The following ABHD2 variants were observed in gnomAD, a reference collection of about 807,000 sequenced individuals.
ABHD2 encodes the protein monoacylglycerol lipase ABHD2.
A neutral mutation model predicts 48.1 loss-of-function variants in ABHD2; 20 were observed. The observed-to-expected ratio is 0.42, with a 90% CI of 0.29 to 0.60. The LOEUF (loss-of-function observed/expected upper bound fraction) is 0.60. ABHD2 is among the 20% of genes least tolerant of loss of function. ABHD2 has a pLI of 0.24. For synonymous variants in ABHD2, 209 were observed against 214.2 expected (o/e 0.98, Z 0.21); for missense variants, 405 against 550.9 (o/e 0.74, Z 2.65).
At chr15:89,140,480 A>G (rs1163156667) in intron 3 of ABHD2, among the ~76,000 whole-genome samples, 2 of 152,156 alleles carry the variant, frequency 1.3e-5, no homozygotes, top group African/African-American at 4.8e-5. Context: ...TAACGTTACA[A>G]TATAGTTAGC....
the ABHD2 span, among the ~76,000 whole-genome samples, chr15:89,050,968 C>T: frequency 2.6e-5 from 4 of 152,146 alleles, no homozygotes; most frequent in Admixed American, 6.5e-5. Context: ...CACAGTGGCT[C>T]ATACCTGCAA....
chr15:89,188,073 T>C lies in ABHD2; in HGVS notation c.816-120T>C. On this transcript the variant is annotated intron_variant, in intron 7 of 10. Transcript: ENST00000352732. This position sits in a 1 kb window ranked among gnomAD's most constrained non-coding sequence, Gnocchi z 4.1. The stretch of plus-strand genomic sequence containing the variant: ...CTGGGACATTCCAAAGGCTAAAGGT[T>C]CTATTTCTAACTGACCACGTTGGCT... 1 of 723,332 alleles carries C rather than the reference T, an allele frequency of 1.4e-6. No individual in the cohort carries two copies. The highest frequency in any genetic ancestry group is 1.7e-5 in the South Asian group (1 of 58,752). The allele number at this position is 723,332 out of a possible 1,614,324, so 44.8% of individuals were successfully genotyped here.
chr15:89,185,612 A>G lies in ABHD2; in HGVS notation c.815+96A>G, dbSNP rs968404543. ...GCCAGGACTCCTGTTCCTTCAGGGG[A>G]AAAAAAAAAATGCAGGTGTGGTACA... On this transcript the variant is annotated intron_variant, in intron 7 of 10. Transcript: ENST00000352732. This position sits in a 1 kb window ranked among gnomAD's most constrained non-coding sequence, Gnocchi z 5.9. The G allele has an allele frequency of 2.8e-4, 143 of 519,706 alleles. No homozygotes were observed. Among genetic ancestry groups the G allele is most frequent in the Middle Eastern group, 9.8e-4 (3 of 3,052 alleles). 32.2% of individuals were successfully genotyped at this position (519,706 alleles called of 1,614,324 possible).
intron 1 of ABHD2, among the ~76,000 whole-genome samples, chr15:89,113,397 T>A (rs2049906653): frequency 6.6e-6 from 1 of 152,238 alleles, no homozygotes; most frequent in African/African-American, 2.4e-5. Flanking sequence ...CACACAGAGA[T>A]GTTACCTGTC....
intron 4 of ABHD2, among the ~76,000 whole-genome samples, chr15:89,154,446 T>A (rs1224886145): frequency 1.3e-5 from 2 of 152,214 alleles, no homozygotes; most frequent in Non-Finnish European, 2.9e-5. Flanking sequence ...GCAAGTCACA[T>A]TCATGATAGA....
At chr15:89,159,520 A>G (rs1179847215) in intron 5 of ABHD2, among the ~76,000 whole-genome samples, 3 of 152,184 alleles carry the variant, frequency 2.0e-5, no homozygotes, top group African/African-American at 7.2e-5. Flanking sequence ...CAGGAAAGGC[A>G]TTTGAGCTGG....
intron 1 of ABHD2, among the ~76,000 whole-genome samples, chr15:89,101,880 G>A (rs2049706354): frequency 1.3e-5 from 2 of 152,096 alleles, no homozygotes; most frequent in South Asian, 2.1e-4. Flanking sequence ...GTCCAACATC[G>A]CCATGGGTCA....
At chr15:89,096,169 C>G (rs917680030) in intron 1 of ABHD2, among the ~76,000 whole-genome samples, 1 of 152,168 alleles carries the variant, frequency 6.6e-6, no homozygotes, top group Non-Finnish European at 1.5e-5. Context: ...CAGGCACAGG[C>G]AGGACCACAC....
At position 89,175,819 on chromosome 15, in the gene ABHD2, G is replaced by A. The variant is rs145289422; in HGVS notation, c.546G>A (p.Thr182=). Residue 182 remains threonine, a synonymous_variant, in exon 6 of 11, where the codon ACG becomes ACA. Transcript: ENST00000352732. This position sits in a 1 kb window ranked among gnomAD's most constrained non-coding sequence, Gnocchi z 5.7. ...TSPRMFTYGC[T]WEFGAMVNYI... is the part of the protein sequence containing the mutation. Reference sequence around the variant, plus strand: ...TCACCCTTTTGCCCACAGGCTGCACGTGGGAATTTGGAGCCATGGTGAACT... The same window carrying A: ...TCACCCTTTTGCCCACAGGCTGCACATGGGAATTTGGAGCCATGGTGAACT... The A allele has an allele frequency of 1.5e-4, 243 of 1,614,056 alleles. No homozygotes were observed. Among genetic ancestry groups the A allele is most frequent in the African/African-American group, 8.3e-4 (62 of 75,036 alleles).
At chr15:89,127,802 C>T (rs566392404) in intron 3 of ABHD2, among the ~76,000 whole-genome samples, 4 of 149,626 alleles carry the variant, frequency 2.7e-5, no homozygotes, top group Non-Finnish European at 4.4e-5. Flanking sequence ...GTCTGTTCAC[C>T]GTCTGTACAC....
intron 3 of ABHD2, among the ~76,000 whole-genome samples, chr15:89,126,428 C>G (rs148781586): frequency 6.6e-6 from 1 of 152,314 alleles, no homozygotes; most frequent in African/African-American, 2.4e-5. Context: ...TATCCGGGAG[C>G]AGGAAATGGA....
chr15:89,135,724 C>G, intron 3 of ABHD2: 1 of 1,267,918 alleles, frequency 7.9e-7, no homozygotes, highest in Non-Finnish European at 1.1e-6. Flanking sequence ...CCTTCAGCTT[C>G]GCAGCCTTCT....
chr15:89,181,928 C>T (rs1280802063), intron 6 of ABHD2, among the ~76,000 whole-genome samples: 1 of 152,200 alleles, frequency 6.6e-6, no homozygotes, highest in Admixed American at 6.5e-5. Context: ...TTGCCTTCCG[C>T]AACACCTCTT....
In ABHD2 at chr15:89,177,882, T is replaced by C. The variant is rs1213667098; in HGVS notation, c.722+1887T>C. 1.3e-5 allele frequency among the ~76,000 whole-genome samples: 2 copies of C among 152,150 alleles called. No homozygotes were observed. Among genetic ancestry groups the C allele is most frequent in the Admixed American group, 1.3e-4 (2 of 15,276 alleles). On this transcript the variant is annotated intron_variant, in intron 6 of 10. Coordinates refer to ENST00000352732, the MANE Select transcript of ABHD2 (RefSeq NM_152924.5). The surrounding 1 kb of genome is among the most constrained non-coding windows in gnomAD (Gnocchi z 5.6). ...TTCTTTTTTTTCAATGCACAAAATC[T>C]TAACACGACAATCCCTTCATCTCAT... is the stretch of plus-strand genomic sequence containing the variant.
chr15:89,147,304 G>T (rs2050508211), intron 3 of ABHD2, among the ~76,000 whole-genome samples: 1 of 149,612 alleles, frequency 6.7e-6, no homozygotes, highest in African/African-American at 2.5e-5. Context: ...AGAAGTAATA[G>T]AAGGAAACAT....
upstream of ABHD2, among the ~76,000 whole-genome samples, chr15:89,083,784 T>C (rs558772950): frequency 1.2e-4 from 18 of 152,340 alleles, no homozygotes; most frequent in African/African-American, 3.6e-4. This position sits in a 1 kb window ranked among gnomAD's most constrained non-coding sequence, Gnocchi z 5.1. Flanking sequence ...CCTTTTCTAA[T>C]AACAAAAGGA....
chr15:89,162,998 A>T (rs1215424207), intron 5 of ABHD2, among the ~76,000 whole-genome samples: 2 of 152,202 alleles, frequency 1.3e-5, no homozygotes, highest in African/African-American at 4.8e-5. Context: ...AAACTAGTAC[A>T]TCCCAAACCA....
intron 3 of ABHD2, among the ~76,000 whole-genome samples, chr15:89,132,779 C>G (rs945819396): frequency 6.6e-6 from 1 of 152,190 alleles, no homozygotes; most frequent in African/African-American, 2.4e-5. Context: ...GTAGGACTTT[C>G]TAGAACATGC....
Position 89,197,550 on chromosome 15 carries a change from C to G in ABHD2, c.*2127C>G, listed in dbSNP as rs1199791753. On this transcript the variant is annotated 3_prime_UTR_variant, in exon 11 of 11. Transcript: ENST00000352732. The surrounding 1 kb of genome is among the most constrained non-coding windows in gnomAD (Gnocchi z 4.4). ...AACTTCCTAGGACTGAATCACCACCCCAGAAGAGCGAGAGGCTCCTTTCAT... is the reference window on the plus strand; with the variant it reads ...AACTTCCTAGGACTGAATCACCACCGCAGAAGAGCGAGAGGCTCCTTTCAT... 6.6e-6 allele frequency: 1 copy of G among 152,268 alleles called. No individual in the cohort carries two copies. The highest frequency in any genetic ancestry group is 1.5e-5 in the Non-Finnish European group (1 of 68,070). 9.4% of individuals were successfully genotyped at this position (152,268 alleles called of 1,614,324 possible).
Sources: allele counts gnomAD v4.1 joint callset (sites outside exome capture counted in the v4.1 genomes callset), GRCh38; gene constraint gnomAD v4.1.1; non-coding constraint Gnocchi (gnomAD v3.1); transcripts MANE v1.5; gene names NCBI Gene and HGNC (gene_info 2026-07-23, HGNC 2026-07-21).